Variants in FGF13 observed in about 807,000 individuals in gnomAD.
FGF13 encodes fibroblast growth factor homologous factor 2.
In FGF13, 2 loss-of-function variants were observed where a neutral mutation model predicts 19.5. The ratio of observed to expected loss-of-function variants is 0.10; its 90% CI spans 0.04 to 0.32. The LOEUF is 0.32. Among genes scored for constraint, FGF13 ranks in the 10% least tolerant of loss-of-function variants. The pLI is 1.00. For synonymous variants in FGF13, 72 were observed against 76.9 expected (o/e 0.94, Z 0.33); for missense variants, 113 against 192.7 (o/e 0.59, Z 2.45).
chrX:138,958,002 C>T (rs2091849603), intron 1 of FGF13, among the ~76,000 whole-genome samples: 2 of 111,726 alleles, frequency 1.8e-5, no homozygotes, highest in Non-Finnish European at 3.8e-5. Flanking sequence ...CTTTTCCTAA[C>T]TGAATATGCT....
chrX:139,076,448 AAAAC>A (rs1220582421), intron 1 of FGF13, among the ~76,000 whole-genome samples: 3 of 111,775 alleles, frequency 2.7e-5, no homozygotes, highest in African/African-American at 6.5e-5. Context: ...AAAGGTAAAA[AAAAC>A]AAACACACAC....
chrX:139,013,510 TATATATATATATATATATATAA>T (rs1163452898), intron 1 of FGF13, among the ~76,000 whole-genome samples: 7 of 17,762 alleles, frequency 3.9e-4, no homozygotes, highest in African/African-American at 6.7e-4. Flanking sequence ...TATATATATA[TATATATATATATATATATATAA>T]AATGAAATAC....
chrX:138,860,270 T>C (rs1350252235), intron 2 of FGF13, among the ~76,000 whole-genome samples: 1 of 111,301 alleles, frequency 9.0e-6, no homozygotes, highest in Non-Finnish European at 1.9e-5. Flanking sequence ...GTATGTGCAG[T>C]TGACAGCAGA....
At chrX:139,175,606 TGAAA>T (rs1365986598) in intron 1 of FGF13, among the ~76,000 whole-genome samples, 2 of 112,078 alleles carry the variant, frequency 1.8e-5, no homozygotes, top group East Asian at 5.6e-4. Context: ...GTTTTTAGCA[TGAAA>T]GAGTGTTGAA....
intron 3 of FGF13, among the ~76,000 whole-genome samples, chrX:138,655,072 G>A (rs1569355582): frequency 9.0e-6 from 1 of 111,506 alleles, no homozygotes; most frequent in Non-Finnish European, 1.9e-5. Flanking sequence ...ACCTAAAAAT[G>A]CATTTCATTC....
At chrX:138,657,158 A>T (rs967820398) in intron 3 of FGF13, among the ~76,000 whole-genome samples, 44 of 110,633 alleles carry the variant, frequency 4.0e-4, no homozygotes, top group Middle Eastern at 4.7e-3. Flanking sequence ...AATCAATTTT[A>T]GAAAAAAAAA....
chrX:139,147,726 T>A (rs1473287315), intron 1 of FGF13, among the ~76,000 whole-genome samples: 1 of 111,274 alleles, frequency 9.0e-6, no homozygotes, highest in Non-Finnish European at 1.9e-5. Flanking sequence ...CGTCTTCATA[T>A]GGCCTGGTAT....
chrX:138,803,188 T>C (rs934250462), intron 3 of FGF13, among the ~76,000 whole-genome samples: 10 of 112,142 alleles, frequency 8.9e-5, no homozygotes, highest in African/African-American at 2.9e-4. Flanking sequence ...TCTGCCACCA[T>C]TTCTAGTCTA....
At chrX:138,809,291 A>G (rs111380344) in intron 3 of FGF13, among the ~76,000 whole-genome samples, 2 of 112,227 alleles carry the variant, frequency 1.8e-5, no homozygotes, top group African/African-American at 6.5e-5. Context: ...CTGGTTCAAC[A>G]TATGCAAATC....
intron 1 of FGF13, among the ~76,000 whole-genome samples, chrX:138,968,887 G>GT (rs2091904908): frequency 2.7e-5 from 3 of 112,244 alleles, no homozygotes; most frequent in Admixed American, 1.9e-4. Flanking sequence ...CTCACAGAAT[G>GT]TAAAGTCTAT....
intron 3 of FGF13, among the ~76,000 whole-genome samples, chrX:138,756,853 CACT>C (rs2090434599): frequency 9.0e-6 from 1 of 111,477 alleles, no homozygotes; most frequent in Non-Finnish European, 1.9e-5. Flanking sequence ...AGGTGATGTC[CACT>C]ATATACTCCA....
At chrX:139,182,582 C>T (rs772325827) in intron 1 of FGF13, among the ~76,000 whole-genome samples, 3 of 112,080 alleles carry the variant, frequency 2.7e-5, no homozygotes, top group Non-Finnish European at 5.6e-5. Context: ...ACTTTCACAA[C>T]ACATTATCTT....
intron 1 of FGF13, among the ~76,000 whole-genome samples, chrX:139,191,630 G>A (rs12847459): frequency 0.19 from 21,258 of 110,858 alleles, 1,467 homozygotes; most frequent in East Asian, 0.26. Flanking sequence ...ACACTGCTTG[G>A]TGCCTCAAGG....
At chrX:138,894,512 C>G (rs1261276128) in intron 1 of FGF13, among the ~76,000 whole-genome samples, 1 of 111,394 alleles carries the variant, frequency 9.0e-6, no homozygotes, top group Non-Finnish European at 1.9e-5. Flanking sequence ...AAACTATGAT[C>G]AGAGAATACT....
At chrX:138,694,061 G>C (rs1194647254) in intron 3 of FGF13, among the ~76,000 whole-genome samples, 2 of 112,033 alleles carry the variant, frequency 1.8e-5, no homozygotes, top group Non-Finnish European at 3.8e-5. Context: ...TGATCAATGA[G>C]TTCATCTAAA....
chrX:138,928,588 G>C (rs748385716), intron 1 of FGF13, among the ~76,000 whole-genome samples: 54 of 110,883 alleles, frequency 4.9e-4, no homozygotes, highest in African/African-American at 1.8e-3. Flanking sequence ...AATCCCCAGA[G>C]GGCAGCATAA....
intron 1 of FGF13, among the ~76,000 whole-genome samples, chrX:139,056,641 A>ATGTG (rs1270251581): frequency 1.8e-5 from 2 of 112,437 alleles, no homozygotes; most frequent in African/African-American, 6.5e-5. Context: ...CTAAGTGGTT[A>ATGTG]TGAGTAATAA....
chrX:138,840,216 T>C, intron 3 of FGF13, among the ~76,000 whole-genome samples: 1 of 112,140 alleles, frequency 8.9e-6, no homozygotes, highest in Non-Finnish European at 1.9e-5. Context: ...GGAATAGCTG[T>C]AGAAATATTA....
chrX:138,954,962 CA>C (rs1456795629), intron 1 of FGF13, among the ~76,000 whole-genome samples: 1 of 112,055 alleles, frequency 8.9e-6, no homozygotes, highest in Non-Finnish European at 1.9e-5. Context: ...AGACTGAAAG[CA>C]GGGAGGAAAG....
Sources: allele counts gnomAD v4.1 joint callset (sites outside exome capture counted in the v4.1 genomes callset), GRCh38; gene constraint gnomAD v4.1.1; transcripts MANE v1.5; gene names NCBI Gene and HGNC (gene_info 2026-07-23, HGNC 2026-07-21).